The following FGGY variants were observed in gnomAD, a reference collection of about 807,000 sequenced individuals.
FGGY encodes the protein FGGY carbohydrate kinase domain-containing protein.
A neutral mutation model predicts 71.3 loss-of-function variants in FGGY; 72 were observed. The observed-to-expected ratio is 1.01, with a 90% CI of 0.84 to 1.23. FGGY has a LOEUF of 1.23. FGGY is among the 50% of genes most tolerant of loss of function. The pLI is 0.00. For missense variants in FGGY, 668 were observed against 682.3 expected (o/e 0.98, Z 0.23); for synonymous variants, 251 against 250.3 (o/e 1.00, Z -0.02).
rs561140951 is a variant in FGGY at position 59,398,538 on chromosome 1, T to C, written c.554+19701T>C. ...ACAGGCATGAGCCACCATGCCCAGG[T>C]TGTAAAAGTATTTTTAAAAAGTGTT... On this transcript the variant is annotated intron_variant, in intron 5 of 15. Transcript: ENST00000303721. Among the ~76,000 whole-genome samples, 7 of 152,276 alleles carry C rather than the reference T, an allele frequency of 4.6e-5. No individual in the cohort carries two copies. The South Asian group carries it at 1.4e-3, about 32-fold the overall frequency.
chr1:59,533,543 G>A (rs905717812), intron 7 of FGGY, among the ~76,000 whole-genome samples: 3 of 148,212 alleles, frequency 2.0e-5, no homozygotes, highest in African/African-American at 7.7e-5. Flanking sequence ...CCACCTCTGG[G>A]GGCAGGGAAC....
chr1:59,540,136 C>G (rs1227549480), intron 7 of FGGY, among the ~76,000 whole-genome samples: 1 of 152,148 alleles, frequency 6.6e-6, no homozygotes, highest in African/African-American at 2.4e-5. Context: ...ATGGGGATAT[C>G]AAACACCTGA....
chr1:59,617,500 TACTC>T (rs1472525453), intron 9 of FGGY, among the ~76,000 whole-genome samples: 2 of 152,132 alleles, frequency 1.3e-5, no homozygotes, highest in Non-Finnish European at 2.9e-5. Flanking sequence ...AGAAAACACA[TACTC>T]CCTTCCTAAG....
At chr1:59,612,366 T>C (rs2096694573) in intron 9 of FGGY, among the ~76,000 whole-genome samples, 1 of 152,228 alleles carries the variant, frequency 6.6e-6, no homozygotes, top group African/African-American at 2.4e-5. Context: ...AAAAGAATTT[T>C]CAACCCAGAA....
chr1:59,673,832 C>T, intron 13 of FGGY: 1 of 537,478 alleles, frequency 1.9e-6, no homozygotes, highest in Non-Finnish European at 3.4e-6. Flanking sequence ...CCCTTGGGCT[C>T]TTGGCTACTG....
chr1:59,407,247 C>A (rs775091678), intron 5 of FGGY, among the ~76,000 whole-genome samples: 4 of 152,176 alleles, frequency 2.6e-5, no homozygotes, highest in African/African-American at 4.8e-5. Flanking sequence ...AAGCTTCCTG[C>A]TGATGCTGAT....
At chr1:59,678,761 C>T (rs148605669) in intron 14 of FGGY, among the ~76,000 whole-genome samples, 1 of 152,062 alleles carries the variant, frequency 6.6e-6, no homozygotes, top group South Asian at 2.1e-4. Flanking sequence ...CACCACCCCC[C>T]ACCCTTGAAA....
intron 14 of FGGY, among the ~76,000 whole-genome samples, chr1:59,743,692 C>T (rs911147482): frequency 3.3e-5 from 5 of 152,030 alleles, no homozygotes; most frequent in South Asian, 2.1e-4. Context: ...TTGTAAAAGC[C>T]GGAGCAAGTT....
chr1:59,365,152 A>G (rs1213332450), intron 4 of FGGY, among the ~76,000 whole-genome samples: 1 of 152,176 alleles, frequency 6.6e-6, no homozygotes, highest in Non-Finnish European at 1.5e-5. Flanking sequence ...TTCAGCGTGT[A>G]GTTGGTTGGA....
chr1:59,332,433 G>A (rs2048674800), intron 2 of FGGY, among the ~76,000 whole-genome samples: 1 of 152,146 alleles, frequency 6.6e-6, no homozygotes, highest in African/African-American at 2.4e-5. Flanking sequence ...GGCCTTCTGG[G>A]TAGTGTGACT....
intron 14 of FGGY, 33 bp downstream of exon 14, chr1:59,674,166 C>T (rs1337756455): frequency 6.5e-7 from 1 of 1,541,752 alleles, no homozygotes; most frequent in Admixed American, 1.7e-5. Flanking sequence ...GCTGTGGCTC[C>T]TCCCCTGTCT....
chr1:59,611,159 G>C (rs1178953075), intron 9 of FGGY, among the ~76,000 whole-genome samples: 1 of 152,210 alleles, frequency 6.6e-6, no homozygotes, highest in African/African-American at 2.4e-5. Flanking sequence ...GCTTTGAAGA[G>C]AGAAGTGGTT....
rs1291845674 is a variant in FGGY, at chr1:59,501,992, A to T, written c.671-10319A>T. Among the ~76,000 whole-genome samples, 5 of 152,350 alleles carry T rather than the reference A, an allele frequency of 3.3e-5. No homozygotes were observed. In the East Asian group the frequency reaches 7.7e-4, roughly 23 times the overall value. Reference sequence around the variant, plus strand: ...ATCTGACTTTTGTCTAGCATTTGTCATGTGGCAGACAACATGCTAAAACAC... The same window carrying T: ...ATCTGACTTTTGTCTAGCATTTGTCTTGTGGCAGACAACATGCTAAAACAC... On this transcript the variant is annotated intron_variant, in intron 6 of 15. Transcript: ENST00000303721.
intron 14 of FGGY, among the ~76,000 whole-genome samples, chr1:59,691,445 T>G (rs1378737020): frequency 6.6e-6 from 1 of 151,956 alleles, no homozygotes; most frequent in East Asian, 1.9e-4. Context: ...CTCATTCTCC[T>G]TGGCTGAAAA....
At chr1:59,667,134 G>A in intron 12 of FGGY, 149 bp from the exon 13 acceptor site, 1 of 1,008,926 alleles carries the variant, frequency 9.9e-7, no homozygotes, top group Non-Finnish European at 1.5e-6. Flanking sequence ...TGTGATCATA[G>A]ACAACATAAT....
chr1:59,533,161 G>A (rs183138506), intron 7 of FGGY, among the ~76,000 whole-genome samples: 14 of 152,320 alleles, frequency 9.2e-5, no homozygotes, highest in Non-Finnish European at 1.5e-4. Context: ...CACCATGCAC[G>A]AGCTGAAGCA....
intron 7 of FGGY, among the ~76,000 whole-genome samples, chr1:59,523,758 A>G (rs1053150667): frequency 6.6e-6 from 1 of 152,208 alleles, no homozygotes; most frequent in Admixed American, 6.5e-5. Context: ...AGATGGTAAA[A>G]ATTTAAATGC....
chr1:59,762,247 G>C (rs975789502), intron 15 of FGGY, among the ~76,000 whole-genome samples: 4 of 151,990 alleles, frequency 2.6e-5, no homozygotes, highest in Non-Finnish European at 2.9e-5. Context: ...CCACCACCAT[G>C]TCTGGCTAAT....
At chr1:59,527,072 C>T (rs2095008049) in intron 7 of FGGY, among the ~76,000 whole-genome samples, 1 of 152,190 alleles carries the variant, frequency 6.6e-6, no homozygotes, top group South Asian at 2.1e-4. Flanking sequence ...GTTCAAATAG[C>T]TTTCTCAGCA....
Sources: gnomAD v4.1 joint callset for allele counts (sites outside exome capture counted in the v4.1 genomes callset) on GRCh38, gnomAD v4.1.1 for gene constraint, MANE v1.5 for transcripts, NCBI Gene and HGNC (gene_info 2026-07-23, HGNC 2026-07-21) for gene names.